Variants in CDH8 observed in about 807,000 individuals in gnomAD.
CDH8 encodes the protein cadherin-8.
In CDH8, 17 loss-of-function variants were observed where a neutral mutation model predicts 68.1. That is an observed-to-expected ratio of 0.25 (90% CI 0.17 to 0.37). The LOEUF (loss-of-function observed/expected upper bound fraction) is 0.37, where lower values mean the gene tolerates loss of function less well. CDH8 is among the 10% of genes least tolerant of loss of function. The pLI is 1.00. For synonymous variants in CDH8, 372 were observed against 365.1 expected (o/e 1.02, Z -0.21); for missense variants, 763 against 999.3 (o/e 0.76, Z 3.19).
chr16:61,826,283 T>TGGCTAAGGCATTCTCATA (rs1962332619), intron 4 of CDH8, among the ~76,000 whole-genome samples: 1 of 151,912 alleles, frequency 6.6e-6, no homozygotes. Context: ...ATACTATACA[T>TGGCTAAGGCATTCTCATA]GGCTAAGGCA....
intron 3 of CDH8, among the ~76,000 whole-genome samples, chr16:61,860,491 C>G (rs1963130267): frequency 6.6e-6 from 1 of 152,148 alleles, no homozygotes; most frequent in South Asian, 2.1e-4. Context: ...TAACAGAGTT[C>G]AGAGACTTAT....
At chr16:61,655,879 T>A (rs1393036913) in intron 10 of CDH8, among the ~76,000 whole-genome samples, 158 bp from the exon 11 acceptor site, 1 of 151,204 alleles carries the variant, frequency 6.6e-6, no homozygotes, top group Non-Finnish European at 1.5e-5. Context: ...CGCACTTTTT[T>A]TTTTTTTTTT....
intron 4 of CDH8, among the ~76,000 whole-genome samples, chr16:61,855,702 C>T (rs1400195094): frequency 6.6e-6 from 1 of 152,098 alleles, no homozygotes; most frequent in Non-Finnish European, 1.5e-5. Context: ...AGACCCTGTG[C>T]CATAGTTATT....
intron 8 of CDH8, among the ~76,000 whole-genome samples, chr16:61,784,007 G>A (rs916831615): frequency 6.6e-6 from 1 of 152,206 alleles, no homozygotes; most frequent in Non-Finnish European, 1.5e-5. Flanking sequence ...GACCATCGAG[G>A]CTAGGAAGAA....
chr16:61,984,530 A>G (rs572232706), intron 2 of CDH8, among the ~76,000 whole-genome samples: 2 of 151,804 alleles, frequency 1.3e-5, no homozygotes, highest in South Asian at 4.2e-4. Flanking sequence ...GGCTCAAGCA[A>G]TTCTCCCTCC....
At chr16:61,770,137 T>G (rs985903749) in intron 8 of CDH8, among the ~76,000 whole-genome samples, 4 of 151,864 alleles carry the variant, frequency 2.6e-5, no homozygotes, top group Non-Finnish European at 5.9e-5. Flanking sequence ...TAAAACAGTG[T>G]TCAGGTTACA....
intron 3 of CDH8, among the ~76,000 whole-genome samples, chr16:61,882,900 A>C (rs1963604070): frequency 6.6e-6 from 1 of 152,216 alleles, no homozygotes; most frequent in Admixed American, 6.5e-5. Flanking sequence ...AGCTGGAAAA[A>C]AGAAGTAGTT....
At position 61,653,005 on chromosome 16, in the gene CDH8, C is replaced by T. The variant is rs1319257753; in HGVS notation, c.*603G>A. 1 of 1,455,208 alleles carries T rather than the reference C, an allele frequency of 6.9e-7. No individual in the cohort carries two copies. Among genetic ancestry groups the T allele is most frequent in the South Asian group, 1.5e-5 (1 of 67,920 alleles). 90.1% of individuals were successfully genotyped at this position (1,455,208 alleles called of 1,614,324 possible). A position where few individuals can be genotyped will look rare whatever the true frequency, so the allele number is the denominator to read the frequency against. On this transcript the variant is annotated 3_prime_UTR_variant, in exon 12 of 12. Transcript: ENST00000577390. Reference sequence around the variant, plus strand: ...CATGTGAATATTTTAAGGCTCGACACAATATTTAAAGATGCTATTCAGTCT... The same window carrying T: ...CATGTGAATATTTTAAGGCTCGACATAATATTTAAAGATGCTATTCAGTCT...
intron 8 of CDH8, among the ~76,000 whole-genome samples, chr16:61,769,912 A>C (rs945967209): frequency 5.9e-5 from 9 of 151,804 alleles, no homozygotes; most frequent in African/African-American, 2.2e-4. Flanking sequence ...TGTATTATCT[A>C]ATATAGGACC....
intron 4 of CDH8, among the ~76,000 whole-genome samples, chr16:61,843,139 GATA>G (rs2143008945): frequency 6.6e-6 from 1 of 152,202 alleles, no homozygotes; most frequent in East Asian, 1.9e-4. Flanking sequence ...GCTCCACCAA[GATA>G]ATAAGGCTGG....
chr16:61,781,644 A>G (rs993966928), intron 8 of CDH8, among the ~76,000 whole-genome samples: 4 of 152,198 alleles, frequency 2.6e-5, no homozygotes, highest in Admixed American at 6.5e-5. Flanking sequence ...TGTTTTCAGT[A>G]TATGTGAAAA....
chr16:61,804,221 G>A (rs1022782781), intron 7 of CDH8, among the ~76,000 whole-genome samples: 1 of 151,166 alleles, frequency 6.6e-6, no homozygotes, highest in African/African-American at 2.5e-5. Context: ...AATGACTACT[G>A]GGTACGTAAC....
At chr16:61,899,117 A>ACC (rs1963921898) in intron 3 of CDH8, among the ~76,000 whole-genome samples, 4 of 152,070 alleles carry the variant, frequency 2.6e-5, no homozygotes, top group Non-Finnish European at 5.9e-5. Flanking sequence ...TCCTAACGCT[A>ACC]TCCCTCCTCT....
chr16:61,671,985 G>T (rs1963805895), intron 10 of CDH8, among the ~76,000 whole-genome samples: 1 of 151,970 alleles, frequency 6.6e-6, no homozygotes, highest in African/African-American at 2.4e-5. Context: ...ATTCCCTTTT[G>T]TTGTACACTA....
Position 61,652,925 on chromosome 16 carries a change from A to C in CDH8, c.*683T>G. 6.5e-7 allele frequency: 1 copy of C among 1,526,850 alleles called. No individual in the cohort carries two copies. The highest frequency in any genetic ancestry group is 1.2e-5 in the South Asian group (1 of 81,696). The allele number at this position is 1,526,850 out of a possible 1,614,324, so 94.6% of individuals were successfully genotyped here. A position where few individuals can be genotyped will look rare whatever the true frequency, so the allele number is the denominator to read the frequency against. ...TAGAAAACAAGCATGTTTGAATGGG[A>C]TTTCTCTCCTCCCACCACTGAATTG... On this transcript the variant is annotated 3_prime_UTR_variant, in exon 12 of 12. Transcript: ENST00000577390.
At chr16:61,988,392 G>A (rs1378729367) in intron 2 of CDH8, among the ~76,000 whole-genome samples, 2 of 152,138 alleles carry the variant, frequency 1.3e-5, no homozygotes, top group African/African-American at 2.4e-5. Flanking sequence ...TCACCTAGTG[G>A]CATATACAAA....
At chr16:61,781,483 T>G (rs1363503048) in intron 8 of CDH8, among the ~76,000 whole-genome samples, 2 of 151,160 alleles carry the variant, frequency 1.3e-5, no homozygotes, top group African/African-American at 2.4e-5. Flanking sequence ...TAGCCAGGCA[T>G]GATGGCTTGT....
intron 9 of CDH8, among the ~76,000 whole-genome samples, chr16:61,723,747 C>T (rs550125006): frequency 6.6e-6 from 1 of 150,744 alleles, no homozygotes; most frequent in Non-Finnish European, 1.5e-5. Context: ...AACTGTCAGA[C>T]ATATATTTGG....
intron 10 of CDH8, among the ~76,000 whole-genome samples, chr16:61,707,923 T>C (rs917711168): frequency 1.3e-5 from 2 of 152,128 alleles, no homozygotes; most frequent in African/African-American, 4.8e-5. Context: ...AATAACATTA[T>C]TATTTAATGA....
Sources: allele counts gnomAD v4.1 joint callset (sites outside exome capture counted in the v4.1 genomes callset), GRCh38; gene constraint gnomAD v4.1.1; transcripts MANE v1.5; gene names NCBI Gene and HGNC (gene_info 2026-07-23, HGNC 2026-07-21).